The following NFATC1 variants were observed in gnomAD, a reference collection of about 807,000 sequenced individuals.
NFATC1 encodes nuclear factor of activated T-cells, cytoplasmic 1.
A neutral mutation model predicts 76.0 loss-of-function variants in NFATC1; 22 were observed. That is an observed-to-expected ratio of 0.29 (90% CI 0.21 to 0.41). The LOEUF (loss-of-function observed/expected upper bound fraction) is 0.41, where lower values mean the gene tolerates loss of function less well. Among genes scored for constraint, NFATC1 ranks in the 10% least tolerant of loss-of-function variants. The probability of loss-of-function intolerance (pLI) is 1.00; values close to 1 mark genes in which losing one functional copy is unlikely to be tolerated. For missense variants in NFATC1, 1,357 were observed against 1,337.7 expected, an observed-to-expected ratio of 1.01 and a Z score of -0.23; for synonymous variants, 704 against 613.1, an observed-to-expected ratio of 1.15 and a Z score of -2.19.
intron 2 of NFATC1, among the ~76,000 whole-genome samples, chr18:79,423,705 A>G (rs1387581058): frequency 3.3e-5 from 5 of 152,072 alleles, no homozygotes; most frequent in African/African-American, 1.2e-4. Context: ...GGGTGTCCCC[A>G]TCTTTCTGTT....
At chr18:79,425,632 G>A (rs924527134) in intron 2 of NFATC1, among the ~76,000 whole-genome samples, 1 of 152,210 alleles carries the variant, frequency 6.6e-6, no homozygotes, top group Non-Finnish European at 1.5e-5. Flanking sequence ...TGCTGCCGAG[G>A]GCGCGATTCC....
At chr18:79,484,533 C>G (rs569289839) in intron 8 of NFATC1, among the ~76,000 whole-genome samples, 1 of 151,698 alleles carries the variant, frequency 6.6e-6, no homozygotes, top group Non-Finnish European at 1.5e-5. Context: ...ACCTCGATCT[C>G]CCCACTCAGT....
chr18:79,448,677 G>A, intron 3 of NFATC1, 105 bp from the exon 4 acceptor site: 1 of 1,060,112 alleles, frequency 9.4e-7, no homozygotes. Flanking sequence ...GGGCAGGGCA[G>A]GGGGACACAG....
intron 9 of NFATC1, among the ~76,000 whole-genome samples, chr18:79,516,511 C>T (rs1299413059): frequency 6.6e-6 from 1 of 152,196 alleles, no homozygotes; most frequent in Non-Finnish European, 1.5e-5. Flanking sequence ...TGTGGAGTGG[C>T]AGAACCGCCC....
At chr18:79,408,809 C>A (rs933357167) in intron 1 of NFATC1, among the ~76,000 whole-genome samples, 2 of 151,800 alleles carry the variant, frequency 1.3e-5, no homozygotes, top group African/African-American at 4.8e-5. Flanking sequence ...CCTCCATTCC[C>A]TATCCATTCA....
intron 6 of NFATC1, among the ~76,000 whole-genome samples, chr18:79,453,095 A>G (rs929794836): frequency 6.6e-6 from 1 of 152,216 alleles, no homozygotes; most frequent in Admixed American, 6.5e-5. Context: ...AGGCATTTGC[A>G]TTGCCCGTGC....
intron 9 of NFATC1, among the ~76,000 whole-genome samples, chr18:79,513,634 C>T (rs559443523): frequency 3.3e-5 from 5 of 152,360 alleles, no homozygotes; most frequent in South Asian, 4.1e-4. Context: ...CTCTTCAAGG[C>T]GAGTGTCCCT....
chr18:79,447,218 G>A (rs141691684), intron 3 of NFATC1, among the ~76,000 whole-genome samples: 7 of 152,312 alleles, frequency 4.6e-5, no homozygotes, highest in Non-Finnish European at 7.3e-5. Flanking sequence ...TCGCCTGCCC[G>A]GGCCCCTCTA....
intron 7 of NFATC1, among the ~76,000 whole-genome samples, chr18:79,461,644 C>T (rs1432000065): frequency 6.6e-6 from 1 of 152,194 alleles, no homozygotes; most frequent in East Asian, 1.9e-4. Flanking sequence ...CCACCTCACA[C>T]ACCCTGGCGC....
At chr18:79,428,563 A>G (rs2086478690) in intron 2 of NFATC1, among the ~76,000 whole-genome samples, 1 of 152,228 alleles carries the variant, frequency 6.6e-6, no homozygotes, top group Non-Finnish European at 1.5e-5. Context: ...GCCAGCGTTT[A>G]CAACAACAGA....
At chr18:79,454,968 C>T (rs1036352159) in intron 6 of NFATC1, among the ~76,000 whole-genome samples, 3 of 151,806 alleles carry the variant, frequency 2.0e-5, no homozygotes, top group Non-Finnish European at 4.4e-5. Flanking sequence ...CACGCGTGAA[C>T]GTTGAAGCTG....
chr18:79,443,762 G>A lies in NFATC1; in HGVS notation c.1387-5020G>A, dbSNP rs1036647408. Among the ~76,000 whole-genome samples, 9 of 152,348 alleles carry A rather than the reference G, an allele frequency of 5.9e-5. No individual in the cohort carries two copies. The East Asian group carries it at 7.7e-4, about 13-fold the overall frequency. ...TGGTCCTGTCCCCCTAGCCCTGGGC[G>A]GGTGTCCCGGCACCTCCAGGCACAA... On this transcript the variant is annotated intron_variant, in intron 3 of 9. Coordinates refer to ENST00000427363, the MANE Select transcript of NFATC1 (RefSeq NM_001278669.2).
At chr18:79,425,373 A>G (rs1408291794) in intron 2 of NFATC1, among the ~76,000 whole-genome samples, 1 of 151,564 alleles carries the variant, frequency 6.6e-6, no homozygotes, top group Non-Finnish European at 1.5e-5. Context: ...CCGGCTGAGG[A>G]GGGCTGCGGG....
In NFATC1 at chr18:79,410,623, G is replaced by A. The variant is rs959248126; in HGVS notation, c.348G>A (p.Glu116=). ...HTRPDGAPAL[E]SPRIEITSCL... is the part of the protein sequence containing the mutation. ...GGCCTGATGGGGCCCCTGCCCTGGA[G>A]AGTCCTCGCATCGAGATAACCTCGT... Residue 116 remains glutamate, a synonymous_variant, in exon 2 of 10, where the codon GAG becomes GAA. Transcript: ENST00000427363. This position sits in a 1 kb window ranked among gnomAD's most constrained non-coding sequence, Gnocchi z 6.7. 3.7e-6 allele frequency: 6 copies of A among 1,612,984 alleles called. No individual in the cohort carries two copies. The highest frequency in any genetic ancestry group is 4.2e-6 in the Non-Finnish European group (5 of 1,180,024).
intron 6 of NFATC1, among the ~76,000 whole-genome samples, chr18:79,459,563 T>C (rs1044034108): frequency 6.6e-6 from 1 of 152,066 alleles, no homozygotes; most frequent in Non-Finnish European, 1.5e-5. Context: ...CTCCCTCCCC[T>C]TGCCAGTGCC....
At position 79,396,083 on chromosome 18, in the gene NFATC1, C is replaced by T; in HGVS notation, c.-142C>T. The T allele has an allele frequency of 1.9e-6, 2 of 1,043,534 alleles. No homozygotes were observed. The highest frequency in any genetic ancestry group is 2.4e-6 in the Non-Finnish European group (2 of 835,482). 64.6% of individuals were successfully genotyped at this position (1,043,534 alleles called of 1,614,324 possible). A position where few individuals can be genotyped will look rare whatever the true frequency, so the allele number is the denominator to read the frequency against. On this transcript the variant is annotated 5_prime_UTR_variant, in exon 1 of 10. Transcript: ENST00000427363. ...CGGGCCCCGCCACGCGCGCACACGC[C>T]CCTCGATGACTTTCCTCCGGGGCGC...
chr18:79,522,081 TGGGGGGGGCC>T (rs2090612932), intron 9 of NFATC1, among the ~76,000 whole-genome samples: 1 of 31,138 alleles, frequency 3.2e-5, no homozygotes, highest in Non-Finnish European at 5.7e-5. Context: ...GTGTGTCTGT[TGGGGGGGGCC>T]GTCTGCTGAT....
chr18:79,419,857 G>C (rs1178921370), intron 2 of NFATC1, among the ~76,000 whole-genome samples: 1 of 152,244 alleles, frequency 6.6e-6, no homozygotes, highest in Non-Finnish European at 1.5e-5. Flanking sequence ...GTCGGGAGTT[G>C]GAGGGCAACA....
intron 2 of NFATC1, among the ~76,000 whole-genome samples, chr18:79,424,945 GCC>G (rs2086248792): frequency 7.2e-6 from 1 of 138,368 alleles, no homozygotes; most frequent in Non-Finnish European, 1.6e-5. Context: ...CTCTGTCTCT[GCC>G]TCTCTGTGTC....
Sources: allele counts gnomAD v4.1 joint callset (sites outside exome capture counted in the v4.1 genomes callset), GRCh38; gene constraint gnomAD v4.1.1; non-coding constraint Gnocchi (gnomAD v3.1); transcripts MANE v1.5; gene names NCBI Gene and HGNC (gene_info 2026-07-23, HGNC 2026-07-21).